Variants in SPOCK1 observed in about 807,000 individuals in gnomAD.
SPOCK1 encodes SPARC (osteonectin), cwcv and kazal like domains proteoglycan 1, also known as testican-1.
In SPOCK1, 23 loss-of-function variants were observed where a neutral mutation model predicts 55.3. The observed-to-expected ratio is 0.42, with a 90% CI of 0.30 to 0.59. SPOCK1 has a LOEUF of 0.59. Ranked by LOEUF, SPOCK1 falls within the 20% of genes least tolerant of loss-of-function variation. The probability of loss-of-function intolerance (pLI) is 0.22; values close to 1 mark genes in which losing one functional copy is unlikely to be tolerated. For missense variants in SPOCK1, 499 were observed against 552.5 expected, an observed-to-expected ratio of 0.90 and a Z score of 0.97; for synonymous variants, 226 against 221.0, an observed-to-expected ratio of 1.02 and a Z score of -0.20.
At chr5:137,302,191 T>C (rs1272859039) in intron 2 of SPOCK1, among the ~76,000 whole-genome samples, 1 of 152,100 alleles carries the variant, frequency 6.6e-6, no homozygotes, top group Non-Finnish European at 1.5e-5. Flanking sequence ...TATTAAATAG[T>C]TTTGAATGAT....
chr5:137,329,561 A>G (rs1248748647), intron 2 of SPOCK1, among the ~76,000 whole-genome samples: 1 of 152,130 alleles, frequency 6.6e-6, no homozygotes, highest in African/African-American at 2.4e-5. Context: ...AGTGTTTAAA[A>G]CTAAATTTTA....
chr5:137,078,094 G>A (rs889325234), intron 5 of SPOCK1, among the ~76,000 whole-genome samples: 1 of 152,144 alleles, frequency 6.6e-6, no homozygotes, highest in African/African-American at 2.4e-5. Context: ...GGAGAACAGA[G>A]GAGATGCTTC....
At chr5:137,180,097 G>C (rs547712297) in intron 3 of SPOCK1, among the ~76,000 whole-genome samples, 1 of 152,208 alleles carries the variant, frequency 6.6e-6, no homozygotes, top group East Asian at 1.9e-4. Flanking sequence ...AGCTGAATGG[G>C]AATCTACCTG....
At position 137,255,869 on chromosome 5, in the gene SPOCK1, T is replaced by C. The variant is rs576843196; in HGVS notation, c.232+11141A>G. ...ATTAGGGATTGTCTTGCCTTGGCAA[T>C]GACTGCAACTAACATTTTCCACCTT... On this transcript the variant is annotated intron_variant, in intron 3 of 10. Coordinates refer to ENST00000394945, the MANE Select transcript of SPOCK1 (RefSeq NM_004598.4). Among the ~76,000 whole-genome samples, 90 of 152,312 alleles carry C rather than the reference T, an allele frequency of 5.9e-4. 1 individual carries two copies. Among genetic ancestry groups the C allele is most frequent in the East Asian group, 3.9e-4 (2 of 5,184 alleles).
chr5:137,016,751 A>T (rs899764237), intron 6 of SPOCK1, among the ~76,000 whole-genome samples: 1 of 152,228 alleles, frequency 6.6e-6, no homozygotes, highest in Admixed American at 6.5e-5. Flanking sequence ...CCAGGCATCA[A>T]ATGAGGCTGT....
intron 2 of SPOCK1, among the ~76,000 whole-genome samples, chr5:137,304,854 G>A (rs1382376168): frequency 4.6e-5 from 7 of 152,178 alleles, no homozygotes; most frequent in Admixed American, 4.6e-4. Context: ...AGTGGGGGCT[G>A]TGACTGCACC....
At chr5:137,447,345 T>C (rs1753150733) in intron 2 of SPOCK1, among the ~76,000 whole-genome samples, 1 of 152,178 alleles carries the variant, frequency 6.6e-6, no homozygotes, top group Admixed American at 6.5e-5. Context: ...CGAATGCCCC[T>C]GAATACACAG....
intron 2 of SPOCK1, among the ~76,000 whole-genome samples, chr5:137,384,766 C>G (rs1272553090): frequency 6.6e-6 from 1 of 152,048 alleles, no homozygotes; most frequent in African/African-American, 2.4e-5. Flanking sequence ...CCCTCTTTGT[C>G]TCTGTGTGTC....
chr5:137,455,398 A>G (rs1035089867), intron 2 of SPOCK1, among the ~76,000 whole-genome samples: 9 of 152,194 alleles, frequency 5.9e-5, no homozygotes, highest in Non-Finnish European at 1.0e-4. Flanking sequence ...AGGCTGCCTG[A>G]ATCAAACTAA....
intron 3 of SPOCK1, among the ~76,000 whole-genome samples, chr5:137,145,195 T>G (rs924324127): frequency 6.6e-6 from 1 of 152,228 alleles, no homozygotes; most frequent in African/African-American, 2.4e-5. Flanking sequence ...ATGAATTAAT[T>G]TAAAGAGATT....
chr5:137,051,355 G>A (rs941960267), intron 6 of SPOCK1, among the ~76,000 whole-genome samples: 6 of 152,188 alleles, frequency 3.9e-5, no homozygotes, highest in African/African-American at 9.7e-5. Context: ...GAGTAAGGGC[G>A]CTGCCTGGTG....
chr5:137,201,881 A>G (rs1755432971), intron 3 of SPOCK1, among the ~76,000 whole-genome samples: 1 of 152,202 alleles, frequency 6.6e-6, no homozygotes, highest in South Asian at 2.1e-4. Context: ...AGGGGAAAAT[A>G]AAATGAGAAA....
intron 3 of SPOCK1, among the ~76,000 whole-genome samples, chr5:137,236,344 C>T (rs922721972): frequency 3.9e-5 from 6 of 152,214 alleles, no homozygotes. Context: ...TAGGATGAAG[C>T]CAATGGTGGT....
At chr5:137,159,425 G>A (rs1450935572) in intron 3 of SPOCK1, among the ~76,000 whole-genome samples, 2 of 152,110 alleles carry the variant, frequency 1.3e-5, no homozygotes, top group East Asian at 3.9e-4. Context: ...CATCACCTGA[G>A]TAGCATACAC....
chr5:137,032,893 G>A (rs1751808960), intron 6 of SPOCK1, among the ~76,000 whole-genome samples: 1 of 151,584 alleles, frequency 6.6e-6, no homozygotes, highest in South Asian at 2.1e-4. Flanking sequence ...GGGGCAACAG[G>A]AAAAAGGAAG....
At chr5:137,234,740 G>A (rs1419861853) in intron 3 of SPOCK1, among the ~76,000 whole-genome samples, 1 of 152,172 alleles carries the variant, frequency 6.6e-6, no homozygotes, top group Non-Finnish European at 1.5e-5. Flanking sequence ...GAAGAGTAGG[G>A]AAAGGGGAAA....
chr5:136,992,486 C>G lies in SPOCK1; in HGVS notation c.704G>C (p.Gly235Ala), dbSNP rs2126964221. Residue 235 changes from glycine (G) to alanine (A), a missense_variant and splice_region_variant, in exon 7 of 11, where the codon GGC becomes GCC. Gly to Ala is a moderately conservative substitution (Grantham distance 60). Coordinates refer to ENST00000394945, the MANE Select transcript of SPOCK1 (RefSeq NM_004598.4). The stretch of plus-strand genomic sequence containing the variant: ...TGTGATATTTAAAATGGTCTTACTG[C>G]CTTGGGCTGTGTTGGAGCTGGTGGG... The part of the protein sequence containing the change: ...IKPTSSNTAQ[G>A]RFDTSILPIC... The G allele has an allele frequency of 6.2e-7, 1 of 1,610,354 alleles. No homozygotes were observed. The highest frequency in any genetic ancestry group is 8.5e-7 in the Non-Finnish European group (1 of 1,177,928).
intron 4 of SPOCK1, among the ~76,000 whole-genome samples, chr5:137,112,982 G>C (rs987150078): frequency 2.6e-5 from 4 of 152,176 alleles, no homozygotes; most frequent in African/African-American, 9.7e-5. Context: ...TTGTGTGGAG[G>C]ACGCACGGGC....
chr5:137,063,862 C>T (rs1366153296), intron 6 of SPOCK1, among the ~76,000 whole-genome samples: 1 of 152,202 alleles, frequency 6.6e-6, no homozygotes, highest in Non-Finnish European at 1.5e-5. Flanking sequence ...CTAAAAGAAC[C>T]TAATGCATAT....
Sources: allele counts gnomAD v4.1 joint callset (sites outside exome capture counted in the v4.1 genomes callset), GRCh38; gene constraint gnomAD v4.1.1; transcripts MANE v1.5; gene names NCBI Gene and HGNC (gene_info 2026-07-23, HGNC 2026-07-21).